The following ITPKC variants were observed in gnomAD, a reference collection of about 807,000 sequenced individuals.
ITPKC encodes the protein inositol-trisphosphate 3-kinase C.
ITPKC carries 33 observed loss-of-function variants against 67.1 expected under a neutral mutation model. The observed-to-expected ratio is 0.49, with a 90% confidence interval of 0.37 to 0.66. The LOEUF is 0.66. ITPKC is among the 30% of genes least tolerant of loss of function. ITPKC has a pLI of 0.00. For synonymous variants in ITPKC, 341 were observed against 359.8 expected (o/e 0.95, Z 0.59); for missense variants, 820 against 892.1 (o/e 0.92, Z 1.03).
intron 1 of ITPKC, among the ~76,000 whole-genome samples, chr19:40,724,986 G>A (rs2082239592): frequency 1.3e-5 from 2 of 151,406 alleles, no homozygotes; most frequent in Admixed American, 1.3e-4. Context: ...CTGTGTATGT[G>A]CAGTGGAAGA....
Position 40,718,299 on chromosome 19 carries a change from G to C in ITPKC, c.1155+9G>C, listed in dbSNP as rs28493229. ...CCGAGGACAGGTCTGGGGTGAGTGG[G>C]ACCCATCCTGCCCTTGAGCCACATC... On this transcript the variant is annotated intron_variant, in intron 1 of 6. Coordinates refer to ENST00000263370, the MANE Select transcript of ITPKC (RefSeq NM_025194.3). The C allele has an allele frequency of 0.13, 188,533 of 1,503,416 alleles. 12,452 individuals are homozygous for C. The highest frequency in any genetic ancestry group is 0.17 in the Admixed American group (7,541 of 44,020). The allele number at this position is 1,503,416 out of a possible 1,614,324, so 93.1% of individuals were successfully genotyped here.
At chr19:40,723,822 A>T (rs1174796897) in intron 1 of ITPKC, among the ~76,000 whole-genome samples, 1 of 152,110 alleles carries the variant, frequency 6.6e-6, no homozygotes, top group Non-Finnish European at 1.5e-5. Context: ...TAGCAATTCT[A>T]TACCTGTCTC....
In ITPKC at chr19:40,717,740, C is replaced by T. The variant is rs138657519; in HGVS notation, c.605C>T (p.Ser202Phe). The change falls in exon 1 of 7, where the codon TCC becomes TTC. Residue 202 changes from serine (S) to phenylalanine (F), a missense_variant. Around this residue, in one of 2 missense-constraint regions of ITPKC, gnomAD observed 481 missense variants for 470.1 expected, o/e 1.02. Transcript: ENST00000263370. Reference protein sequence around the residue: ...ADNLWTHQNSSSLQTHPEGAC... With the variant: ...ADNLWTHQNSFSLQTHPEGAC... ...AACCTCTGGACCCACCAGAACAGTT[C>T]CAGCCTCCAGACTCACCCAGAAGGA... 1.1e-5 allele frequency: 18 copies of T among 1,613,748 alleles called. No individual in the cohort carries two copies. The African/African-American group carries it at 1.9e-4, about 17-fold the overall frequency.
chr19:40,737,858 A>G (rs980182455), intron 6 of ITPKC, 89 bp downstream of exon 6: 1 of 1,145,386 alleles, frequency 8.7e-7, no homozygotes. Flanking sequence ...CAGGTCAAAG[A>G]TATAAAAAGG....
intron 5 of ITPKC, 45 bp downstream of exon 5, chr19:40,737,132 C>A: frequency 8.2e-7 from 1 of 1,223,474 alleles, no homozygotes; most frequent in Non-Finnish European, 1.2e-6. Flanking sequence ...CTTAAGACAG[C>A]CACCATTTAT....
At chr19:40,727,980 T>A (rs2082253857) in intron 2 of ITPKC, among the ~76,000 whole-genome samples, 1 of 152,080 alleles carries the variant, frequency 6.6e-6, no homozygotes, top group Non-Finnish European at 1.5e-5. Context: ...GCACCCAGCT[T>A]GGGAGAGCAA....
chr19:40,738,782 C>A (rs1374737731), intron 6 of ITPKC, among the ~76,000 whole-genome samples: 2 of 152,194 alleles, frequency 1.3e-5, no homozygotes, highest in Non-Finnish European at 2.9e-5. Flanking sequence ...GGTAAATGAT[C>A]CTACAGTCGA....
In ITPKC at chr19:40,725,378, T is replaced by G; in HGVS notation, c.1194T>G (p.Tyr398Ter). 2 of 1,614,066 alleles carry G rather than the reference T, an allele frequency of 1.2e-6. No individual in the cohort carries two copies. The highest frequency in any genetic ancestry group is 1.7e-6 in the Non-Finnish European group (2 of 1,179,874). ...AGAAGCTGAAGACAGTTCTGAAGTA[T>G]TCACCCTTTGTGGTCTCCTTCCGAA... is the stretch of plus-strand genomic sequence containing the variant. Reference protein sequence around the residue: ...PWKKLKTVLKYSPFVVSFRKH... With the variant: ...PWKKLKTVLK The change falls in exon 2 of 7, where the codon TAT becomes TAG. Residue 398 changes from tyrosine to a stop codon, truncating the protein, a stop_gained. Transcript: ENST00000263370. LOFTEE classifies it high-confidence loss of function.
chr19:40,729,876 T>C (rs1303922314), intron 3 of ITPKC, among the ~76,000 whole-genome samples: 3 of 152,180 alleles, frequency 2.0e-5, no homozygotes, highest in Non-Finnish European at 1.5e-5. Context: ...CGTCCCAGAT[T>C]CTCACCGGTG....
At chr19:40,737,483 G>T (rs953898046) in intron 5 of ITPKC, among the ~76,000 whole-genome samples, 1 of 152,218 alleles carries the variant, frequency 6.6e-6, no homozygotes, top group Non-Finnish European at 1.5e-5. Context: ...GCCTCCGGAT[G>T]GGAGTGGAAA....
chr19:40,733,469 A>T, intron 4 of ITPKC, 105 bp downstream of exon 4: 1 of 1,088,238 alleles, frequency 9.2e-7, no homozygotes, highest in Non-Finnish European at 1.3e-6. Context: ...ACGGCGTGGG[A>T]TGAAAGGCTG....
At chr19:40,720,103 A>C (rs1478139396) in intron 1 of ITPKC, among the ~76,000 whole-genome samples, 6 of 151,998 alleles carry the variant, frequency 3.9e-5, no homozygotes, top group Non-Finnish European at 7.4e-5. Flanking sequence ...CAGTGGCCCA[A>C]GCCTGTAATC....
chr19:40,729,494 G>C, intron 3 of ITPKC, 79 bp downstream of exon 3: 3 of 1,232,490 alleles, frequency 2.4e-6, no homozygotes, highest in Non-Finnish European at 3.4e-6. Context: ...GGCCAGGCGC[G>C]GTGGCTCACG....
chr19:40,740,727 A>G lies in ITPKC; in HGVS notation c.*1167A>G, dbSNP rs1008753415. On this transcript the variant is annotated 3_prime_UTR_variant, in exon 7 of 7. Transcript: ENST00000263370. The stretch of plus-strand genomic sequence containing the variant: ...GGCTGAGGAGATGCTCTCCTTTTCT[A>G]CTGACCATCTTGATACTTATTTATA... 1 of 372,390 alleles carries G rather than the reference A, an allele frequency of 2.7e-6. No individual in the cohort carries two copies. Among genetic ancestry groups the G allele is most frequent in the Non-Finnish European group, 4.8e-6 (1 of 209,508 alleles). The allele number at this position is 372,390 out of a possible 1,614,324, so 23.1% of individuals were successfully genotyped here. A position where few individuals can be genotyped will look rare whatever the true frequency, so the allele number is the denominator to read the frequency against.
intron 6 of ITPKC, among the ~76,000 whole-genome samples, chr19:40,738,448 A>G (rs148317859): frequency 6.6e-6 from 1 of 151,790 alleles, no homozygotes; most frequent in Non-Finnish European, 1.5e-5. Flanking sequence ...AACAACAACA[A>G]CAAAATTAGC....
intron 6 of ITPKC, among the ~76,000 whole-genome samples, chr19:40,738,686 T>C (rs1023581938): frequency 2.0e-5 from 3 of 152,236 alleles, no homozygotes. Flanking sequence ...ACTGAACATT[T>C]GCTGTGTATT....
rs530636986 is a variant in ITPKC, at chr19:40,727,250, C to T, written c.1255+1811C>T. Among the ~76,000 whole-genome samples the T allele has an allele frequency of 1.7e-4, 26 of 152,068 alleles. No individual in the cohort carries two copies. In the East Asian group the frequency reaches 2.7e-3, roughly 16 times the overall value. Reference sequence around the variant, plus strand: ...TCGGGAGGCTGAGGCAGGAGAATGGCGTGAACCCGGGAGGCGGAGGTTGCA... The same window carrying T: ...TCGGGAGGCTGAGGCAGGAGAATGGTGTGAACCCGGGAGGCGGAGGTTGCA... On this transcript the variant is annotated intron_variant, in intron 2 of 6. Coordinates refer to ENST00000263370, the MANE Select transcript of ITPKC (RefSeq NM_025194.3).
intron 1 of ITPKC, among the ~76,000 whole-genome samples, chr19:40,718,584 G>T (rs937895399): frequency 1.3e-5 from 2 of 152,096 alleles, no homozygotes; most frequent in African/African-American, 4.8e-5. Flanking sequence ...GAAATTGTAG[G>T]ACTAAGGAGC....
intron 4 of ITPKC, among the ~76,000 whole-genome samples, chr19:40,736,245 GC>G (rs1259487046): frequency 1.3e-5 from 2 of 151,974 alleles, no homozygotes; most frequent in Non-Finnish European, 2.9e-5. Flanking sequence ...AGCCCAGGTT[GC>G]ACCACTGCAC....
Sources: allele counts gnomAD v4.1 joint callset (sites outside exome capture counted in the v4.1 genomes callset), GRCh38; gene constraint gnomAD v4.1.1; regional missense constraint gnomAD v4.1.1; transcripts MANE v1.5; gene names NCBI Gene and HGNC (gene_info 2026-07-23, HGNC 2026-07-21).